Variants in ATXN7L1 observed in about 807,000 individuals in gnomAD.
ATXN7L1 encodes the protein ataxin 7 like 1.
A neutral mutation model predicts 70.8 loss-of-function variants in ATXN7L1; 15 were observed. The ratio of observed to expected loss-of-function variants is 0.21; its 90% CI spans 0.14 to 0.33. The LOEUF (loss-of-function observed/expected upper bound fraction) is 0.33, where lower values mean the gene tolerates loss of function less well. Among genes scored for constraint, ATXN7L1 ranks in the 10% least tolerant of loss-of-function variants. The pLI, the probability that ATXN7L1 is intolerant of heterozygous loss-of-function variation, is 1.00. For missense variants in ATXN7L1, 975 were observed against 1,097.1 expected (o/e 0.89, Z 1.57); for synonymous variants, 440 against 445.1 (o/e 0.99, Z 0.14).
chr7:105,627,497 A>G (rs922113237), intron 7 of ATXN7L1, among the ~76,000 whole-genome samples: 1 of 149,982 alleles, frequency 6.7e-6, no homozygotes, highest in African/African-American at 2.5e-5. Flanking sequence ...CGGCCTCCCA[A>G]ACTGTTGGGA....
At chr7:105,777,634 G>C (rs975893293) in intron 3 of ATXN7L1, among the ~76,000 whole-genome samples, 1 of 152,056 alleles carries the variant, frequency 6.6e-6, no homozygotes, top group Admixed American at 6.5e-5. Flanking sequence ...AATAGATCTC[G>C]AGTTTATCCT....
chr7:105,638,635 C>T (rs1394137055), intron 6 of ATXN7L1, 26 bp from the exon 7 acceptor site: 15 of 1,538,534 alleles, frequency 9.7e-6, no homozygotes, highest in Non-Finnish European at 1.3e-5. Context: ...ATGAAAAGCA[C>T]AGCCTCTTTG....
intron 3 of ATXN7L1, among the ~76,000 whole-genome samples, chr7:105,754,340 T>C (rs1308987254): frequency 6.6e-6 from 1 of 152,164 alleles, no homozygotes; most frequent in African/African-American, 2.4e-5. Context: ...CTCTTTTGCT[T>C]CAAGCTGTTT....
intron 2 of ATXN7L1, among the ~76,000 whole-genome samples, chr7:105,853,432 T>C (rs1312458424): frequency 1.3e-5 from 2 of 152,102 alleles, no homozygotes; most frequent in African/African-American, 4.8e-5. Flanking sequence ...CAGGTGCCTA[T>C]AATCCCAGCT....
chr7:105,838,342 T>A (rs1305367119), intron 2 of ATXN7L1, among the ~76,000 whole-genome samples: 1 of 152,234 alleles, frequency 6.6e-6, no homozygotes, highest in Non-Finnish European at 1.5e-5. Flanking sequence ...GCTATTTGCA[T>A]AAGCGTTGTT....
intron 3 of ATXN7L1, among the ~76,000 whole-genome samples, chr7:105,724,419 CA>C (rs1177410460): frequency 6.6e-6 from 1 of 151,494 alleles, no homozygotes; most frequent in Non-Finnish European, 1.5e-5. Flanking sequence ...ACTAAAAATA[CA>C]AAAATTAGCT....
chr7:105,804,498 G>C (rs1355220817), intron 2 of ATXN7L1, among the ~76,000 whole-genome samples: 1 of 152,154 alleles, frequency 6.6e-6, no homozygotes, highest in Non-Finnish European at 1.5e-5. Context: ...TAACAAGGAA[G>C]GGGAAGCATT....
chr7:105,760,548 C>G, intron 3 of ATXN7L1: 1 of 985,882 alleles, frequency 1.0e-6, no homozygotes, highest in Non-Finnish European at 1.2e-6. Flanking sequence ...CTCCAGCTAT[C>G]ACGTATTAAC....
intron 3 of ATXN7L1, among the ~76,000 whole-genome samples, chr7:105,726,997 G>A (rs945327669): frequency 3.3e-5 from 5 of 152,176 alleles, no homozygotes; most frequent in African/African-American, 9.7e-5. Flanking sequence ...TCTTACCTCC[G>A]TATTCACTAT....
intron 2 of ATXN7L1, among the ~76,000 whole-genome samples, chr7:105,873,198 CAAA>C (rs1818539394): frequency 6.6e-6 from 1 of 151,872 alleles, no homozygotes; most frequent in Non-Finnish European, 1.5e-5. Flanking sequence ...ACAACAACAA[CAAA>C]AATCGGAACC....
intron 2 of ATXN7L1, among the ~76,000 whole-genome samples, chr7:105,834,902 A>C (rs892135717): frequency 1.3e-5 from 2 of 152,048 alleles, no homozygotes; most frequent in African/African-American, 4.8e-5. Flanking sequence ...AGCAGCCAAA[A>C]CCAGGGTCTT....
At chr7:105,787,261 A>C (rs1193128200) in intron 3 of ATXN7L1, among the ~76,000 whole-genome samples, 1 of 152,190 alleles carries the variant, frequency 6.6e-6, no homozygotes, top group East Asian at 1.9e-4. Context: ...TGGTAGGGAC[A>C]AGGAAACCAA....
chr7:105,803,359 A>ACCC (rs1163313414), intron 2 of ATXN7L1, among the ~76,000 whole-genome samples: 1 of 151,932 alleles, frequency 6.6e-6, no homozygotes, highest in East Asian at 1.9e-4. Context: ...GCCTGCTGGG[A>ACCC]CCCCATGAGT....
At chr7:105,793,339 A>G (rs983897502) in intron 2 of ATXN7L1, among the ~76,000 whole-genome samples, 1 of 152,082 alleles carries the variant, frequency 6.6e-6, no homozygotes, top group Non-Finnish European at 1.5e-5. Flanking sequence ...TGCTGTGATG[A>G]CTCCTACACA....
chr7:105,627,653 T>A (rs1795913650), intron 7 of ATXN7L1, among the ~76,000 whole-genome samples: 1 of 151,496 alleles, frequency 6.6e-6, no homozygotes, highest in Non-Finnish European at 1.5e-5. Flanking sequence ...TGCCTTAGCA[T>A]CCCGAGTAGC....
At chr7:105,805,993 G>T (rs1373513104) in intron 2 of ATXN7L1, among the ~76,000 whole-genome samples, 3 of 152,176 alleles carry the variant, frequency 2.0e-5, no homozygotes, top group Non-Finnish European at 4.4e-5. Flanking sequence ...GAACAAGGCT[G>T]GAGGTGAGAG....
Position 105,613,738 on chromosome 7 carries a change from C to T in ATXN7L1, c.2472+124G>A, listed in dbSNP as rs768339100. On this transcript the variant is annotated intron_variant, in intron 10 of 11. Transcript: ENST00000419735. ...CAAAGCAGAGGGTGAAAACTGCCTT[C>T]GGGGAAAACGAGAACAGGAATCAAG... The T allele has an allele frequency of 4.8e-5, 73 of 1,520,226 alleles. No homozygotes were observed. The Middle Eastern group carries it at 5.1e-4, about 11-fold the overall frequency. 94.2% of individuals were successfully genotyped at this position (1,520,226 alleles called of 1,614,324 possible).
intron 4 of ATXN7L1, among the ~76,000 whole-genome samples, chr7:105,664,429 C>A (rs1802198255): frequency 6.7e-6 from 1 of 149,124 alleles, no homozygotes; most frequent in South Asian, 2.1e-4. Flanking sequence ...ATGTATATAT[C>A]TACTCTGTCT....
At chr7:105,855,793 A>G (rs1815637560) in intron 2 of ATXN7L1, among the ~76,000 whole-genome samples, 1 of 152,214 alleles carries the variant, frequency 6.6e-6, no homozygotes, top group South Asian at 2.1e-4. Context: ...ATTATCCCCT[A>G]AACAATTCAG....
Sources: allele counts gnomAD v4.1 joint callset (sites outside exome capture counted in the v4.1 genomes callset), GRCh38; gene constraint gnomAD v4.1.1; transcripts MANE v1.5; gene names NCBI Gene and HGNC (gene_info 2026-07-23, HGNC 2026-07-21).